The following MMP26 variants were observed in gnomAD, a reference collection of about 807,000 sequenced individuals.
The protein encoded by MMP26 is matrix metalloproteinase-26.
In MMP26, 33 loss-of-function variants were observed where a neutral mutation model predicts 31.0. The ratio of observed to expected loss-of-function variants is 1.06; its 90% CI spans 0.81 to 1.42. The LOEUF is 1.42. MMP26 is among the 40% of genes most tolerant of loss of function. The probability of loss-of-function intolerance (pLI) is 0.00; values close to 1 mark genes in which losing one functional copy is unlikely to be tolerated. For synonymous variants in MMP26, 122 were observed against 114.9 expected (o/e 1.06, Z -0.40); for missense variants, 347 against 316.1 (o/e 1.10, Z -0.74).
chr11:4,950,556 G>A (rs1205365212), intron 2 of MMP26, among the ~76,000 whole-genome samples: 1 of 120,176 alleles, frequency 8.3e-6, no homozygotes, highest in South Asian at 2.5e-4. Flanking sequence ...TAGTCAAAAG[G>A]TAAAAAGTTA....
At chr11:4,888,834 A>C (rs1304424176) in intron 2 of MMP26, among the ~76,000 whole-genome samples, 1 of 152,180 alleles carries the variant, frequency 6.6e-6, no homozygotes, top group Non-Finnish European at 1.5e-5. Context: ...GAAATCAACT[A>C]TTCACACAAA....
chr11:4,852,244 C>G (rs1589919720), intron 2 of MMP26, among the ~76,000 whole-genome samples: 2 of 151,670 alleles, frequency 1.3e-5, no homozygotes, highest in East Asian at 3.9e-4. Context: ...AAGCAATTTA[C>G]CAATAATAGT....
intron 1 of MMP26, among the ~76,000 whole-genome samples, chr11:4,749,637 G>A (rs148404237): frequency 9.2e-5 from 14 of 152,018 alleles, no homozygotes; most frequent in East Asian, 5.8e-4. Context: ...ATCTACAGCC[G>A]GCTGATCTGT....
Position 4,969,521 on chromosome 11 carries a change from T to G in MMP26, c.-144-18547T>G, listed in dbSNP as rs555869850. Among the ~76,000 whole-genome samples, 8 of 152,170 alleles carry G rather than the reference T, an allele frequency of 5.3e-5. No homozygotes were observed. In the East Asian group the frequency reaches 1.5e-3, roughly 29 times the overall value. The stretch of plus-strand genomic sequence containing the variant: ...CAAGTAATTTACCTGTTAACCCTTT[T>G]TATATGACAGGCATGTTAGGTAAAC... On this transcript the variant is annotated intron_variant, in intron 2 of 7. Transcript: ENST00000380390.
chr11:4,882,303 C>G, intron 2 of MMP26: 1 of 1,613,978 alleles, frequency 6.2e-7, no homozygotes, highest in Middle Eastern at 1.7e-4. Flanking sequence ...CTGAACTATG[C>G]TACTATCCTC....
At position 4,870,621 on chromosome 11, in the gene MMP26, T is replaced by G. The variant is rs186364847; in HGVS notation, c.-145+103280T>G. The stretch of plus-strand genomic sequence containing the variant: ...ACTGAATAGTACCGTGGTGATGGCT[T>G]AGATATGAAGAAGAGAGGGAGAAAA... On this transcript the variant is annotated intron_variant, in intron 2 of 7. Coordinates refer to ENST00000380390, the MANE Select transcript of MMP26 (RefSeq NM_021801.5). 1.1e-3 allele frequency among the ~76,000 whole-genome samples: 161 copies of G among 152,194 alleles called. 1 individual carries two copies. In the South Asian group the frequency reaches 0.015, roughly 14 times the overall value.
chr11:4,722,950 A>G (rs1167606836), intron 1 of MMP26: 25 of 790,254 alleles, frequency 3.2e-5, no homozygotes, highest in Non-Finnish European at 4.6e-6. Context: ...TGGTCTTTGT[A>G]TGGATACTCA....
intron 2 of MMP26, among the ~76,000 whole-genome samples, chr11:4,814,227 C>G (rs570739088): frequency 6.6e-6 from 1 of 152,088 alleles, no homozygotes; most frequent in African/African-American, 2.4e-5. Flanking sequence ...TCCTTTTGAG[C>G]GAGCAATTTC....
chr11:4,835,233 CAT>C (rs1554886076), intron 2 of MMP26, among the ~76,000 whole-genome samples: 70 of 151,596 alleles, frequency 4.6e-4, no homozygotes, highest in African/African-American at 1.5e-3. Flanking sequence ...CACACACACA[CAT>C]ACACACACGA....
intron 2 of MMP26, chr11:4,794,848 CAT>C (rs1311363640): frequency 4.6e-5 from 7 of 152,158 alleles, no homozygotes; most frequent in Non-Finnish European, 7.3e-5. Context: ...AATAGATCAC[CAT>C]ATATGTTATT....
Position 4,882,021 on chromosome 11 carries a change from T to G in MMP26, c.-144-106047T>G, listed in dbSNP as rs1430246820. On this transcript the variant is annotated intron_variant, in intron 2 of 7. Transcript: ENST00000380390. ...GTCTGCTGTCTCTACACCATTGCCC[T>G]CTTGGGAAACAGTATGATCTTTCTT... The G allele has an allele frequency of 2.5e-6, 4 of 1,613,774 alleles. No homozygotes were observed. The highest frequency in any genetic ancestry group is 2.5e-6 in the Non-Finnish European group (3 of 1,179,924).
chr11:4,924,298 G>C, intron 2 of MMP26: 5 of 1,613,128 alleles, frequency 3.1e-6, no homozygotes, highest in Non-Finnish European at 4.2e-6. Context: ...CCGTCAGGAA[G>C]AAAGTGGCTC....
intron 2 of MMP26, among the ~76,000 whole-genome samples, chr11:4,851,773 A>T (rs1746308103): frequency 6.6e-6 from 1 of 152,108 alleles, no homozygotes; most frequent in East Asian, 1.9e-4. Flanking sequence ...AGTAATGTGC[A>T]TATTGTAATT....
chr11:4,865,027 C>T (rs1368689091), intron 2 of MMP26, among the ~76,000 whole-genome samples: 1 of 152,038 alleles, frequency 6.6e-6, no homozygotes, highest in African/African-American at 2.4e-5. Context: ...ATTCAGCATT[C>T]CTTGTTAGCT....
At chr11:4,744,651 A>G (rs1419520852) in intron 1 of MMP26, among the ~76,000 whole-genome samples, 5 of 152,158 alleles carry the variant, frequency 3.3e-5, no homozygotes, top group Non-Finnish European at 5.9e-5. Flanking sequence ...GATCTTTCTG[A>G]TAAATTGTAT....
intron 2 of MMP26, chr11:4,769,400 A>G (rs1354451755): frequency 3.1e-6 from 5 of 1,614,046 alleles, no homozygotes; most frequent in Non-Finnish European, 3.4e-6. Context: ...AAGGGCATTC[A>G]TTCTACAGAA....
Position 4,862,279 on chromosome 11 carries a change from T to C in MMP26, c.-145+94938T>C, listed in dbSNP as rs571205842. 2.6e-5 allele frequency among the ~76,000 whole-genome samples: 4 copies of C among 152,326 alleles called. No individual in the cohort carries two copies. The South Asian group carries it at 8.3e-4, about 32-fold the overall frequency. ...GTATTTGTTTAATGTCCATCTCTCC[T>C]ACTAGAAGTTAAAACTTCCTGATGT... On this transcript the variant is annotated intron_variant, in intron 2 of 7. Transcript: ENST00000380390.
At chr11:4,814,672 T>A (rs1288656507) in intron 2 of MMP26, among the ~76,000 whole-genome samples, 1 of 152,164 alleles carries the variant, frequency 6.6e-6, no homozygotes, top group Non-Finnish European at 1.5e-5. Flanking sequence ...TTCTGAGCAT[T>A]TTAAAGGGTT....
At chr11:4,717,065 T>A (rs1847943317) in intron 1 of MMP26, among the ~76,000 whole-genome samples, 1 of 152,170 alleles carries the variant, frequency 6.6e-6, no homozygotes. Context: ...TGCTTAGAAT[T>A]TCTTTCATGA....
Sources: allele counts gnomAD v4.1 joint callset (sites outside exome capture counted in the v4.1 genomes callset), GRCh38; gene constraint gnomAD v4.1.1; transcripts MANE v1.5; gene names NCBI Gene and HGNC (gene_info 2026-07-23, HGNC 2026-07-21).